The following ARL15 variants were observed in gnomAD, a reference collection of about 807,000 sequenced individuals.
The protein encoded by ARL15 is ADP-ribosylation factor-like protein 15.
ARL15 carries 19 observed loss-of-function variants against 25.2 expected under a neutral mutation model. The ratio of observed to expected loss-of-function variants is 0.75; its 90% CI spans 0.53 to 1.10. ARL15 has a LOEUF of 1.10. Ranked by LOEUF, ARL15 falls within the 50% of genes least tolerant of loss-of-function variation. The pLI, the probability that ARL15 is intolerant of heterozygous loss-of-function variation, is 0.00. For missense variants in ARL15, 220 were observed against 246.0 expected, an observed-to-expected ratio of 0.89 and a Z score of 0.71; for synonymous variants, 94 against 86.8, an observed-to-expected ratio of 1.08 and a Z score of -0.46.
At chr5:53,933,101 C>T (rs777175243) in intron 4 of ARL15, among the ~76,000 whole-genome samples, 10 of 152,140 alleles carry the variant, frequency 6.6e-5, no homozygotes, top group Middle Eastern at 3.2e-3. Flanking sequence ...CTGCTGTTCT[C>T]TTTTGACATT....
At chr5:54,190,809 A>G (rs1016144055) in intron 1 of ARL15, among the ~76,000 whole-genome samples, 2 of 152,170 alleles carry the variant, frequency 1.3e-5, no homozygotes, top group Non-Finnish European at 2.9e-5. Flanking sequence ...GAAAATAACA[A>G]GTGTTGGCAA....
At chr5:54,047,370 T>C (rs1212147749) in intron 4 of ARL15, among the ~76,000 whole-genome samples, 1 of 152,192 alleles carries the variant, frequency 6.6e-6, no homozygotes, top group Admixed American at 6.5e-5. Context: ...TGCTACTCTC[T>C]CTGTGTTGGT....
intron 2 of ARL15, among the ~76,000 whole-genome samples, chr5:54,167,011 T>A (rs943181071): frequency 6.6e-6 from 1 of 152,182 alleles, no homozygotes; most frequent in Non-Finnish European, 1.5e-5. Flanking sequence ...TTATCTGTCA[T>A]GTGAGTCCAG....
chr5:54,106,459 G>A (rs913869824), intron 4 of ARL15, among the ~76,000 whole-genome samples: 2 of 151,976 alleles, frequency 1.3e-5, no homozygotes, highest in Non-Finnish European at 2.9e-5. Flanking sequence ...TTGAGGATGG[G>A]TTCCAGAATC....
intron 4 of ARL15, among the ~76,000 whole-genome samples, chr5:54,022,293 T>C (rs1749629823): frequency 6.6e-6 from 1 of 152,138 alleles, no homozygotes; most frequent in Admixed American, 6.5e-5. Flanking sequence ...TGCTGAGTGC[T>C]TTGAATCAAG....
intron 3 of ARL15, among the ~76,000 whole-genome samples, chr5:54,116,015 C>A (rs1244977181): frequency 6.6e-6 from 1 of 152,104 alleles, no homozygotes; most frequent in South Asian, 2.1e-4. Context: ...AGAAGCTAGG[C>A]AAAGATATTG....
intron 1 of ARL15, among the ~76,000 whole-genome samples, chr5:54,213,999 C>A (rs1282012452): frequency 1.3e-5 from 2 of 152,040 alleles, no homozygotes; most frequent in African/African-American, 2.4e-5. Flanking sequence ...AGAGAGAAGT[C>A]TTTTAAAACA....
chr5:54,003,658 TTCTTTCTA>T (rs200728656), intron 4 of ARL15, among the ~76,000 whole-genome samples: 84 of 134,102 alleles, frequency 6.3e-4, no homozygotes, highest in East Asian at 5.8e-3. Context: ...AGAAAATATT[TTCTTTCTA>T]TCTATCTATC....
Position 54,119,062 on chromosome 5 carries a change from T to C in ARL15, c.254-5652A>G, listed in dbSNP as rs75322338. On this transcript the variant is annotated intron_variant, in intron 3 of 4. Coordinates refer to ENST00000504924, the MANE Select transcript of ARL15 (RefSeq NM_019087.3). ...TGCATTCTGACATTGGCCCCTCCTT[T>C]ATGTTCTCACTATGGTTCATGCCTT... 1.6e-4 allele frequency among the ~76,000 whole-genome samples: 25 copies of C among 152,246 alleles called. No individual in the cohort carries two copies. In the East Asian group the frequency reaches 4.8e-3, roughly 29 times the overall value.
chr5:53,903,516 C>T (rs1373790336), intron 4 of ARL15, among the ~76,000 whole-genome samples: 1 of 152,046 alleles, frequency 6.6e-6, no homozygotes, highest in African/African-American at 2.4e-5. Context: ...ATTATGTAGC[C>T]CAAAAGGTCA....
chr5:54,258,156 A>G (rs1427211554), intron 1 of ARL15, among the ~76,000 whole-genome samples: 4 of 142,778 alleles, frequency 2.8e-5, no homozygotes, highest in Non-Finnish European at 4.5e-5. Flanking sequence ...CATAGTTAAG[A>G]CTTTGTTTCT....
rs685473 is a variant in ARL15, at chr5:53,883,990, G to T, written c.*2571C>A. On this transcript the variant is annotated 3_prime_UTR_variant, in exon 5 of 5. Coordinates refer to ENST00000504924, the MANE Select transcript of ARL15 (RefSeq NM_019087.3). ...TCATTTGAAGATAGTGGAAATCGTA[G>T]AAATCATGGACAATACAAGTTGGTC... 1 of 152,142 alleles carries T rather than the reference G, an allele frequency of 6.6e-6. No individual in the cohort carries two copies. The highest frequency in any genetic ancestry group is 2.1e-4 in the South Asian group (1 of 4,828). The allele number at this position is 152,142 out of a possible 1,614,324, so 9.4% of individuals were successfully genotyped here.
At chr5:54,069,201 T>A (rs1206769777) in intron 4 of ARL15, among the ~76,000 whole-genome samples, 1 of 152,156 alleles carries the variant, frequency 6.6e-6, no homozygotes, top group African/African-American at 2.4e-5. Flanking sequence ...ATAATGATGA[T>A]AATAGTAATA....
chr5:54,202,894 T>C (rs1394304650), intron 1 of ARL15, among the ~76,000 whole-genome samples: 1 of 152,174 alleles, frequency 6.6e-6, no homozygotes, highest in Non-Finnish European at 1.5e-5. Flanking sequence ...CTTCATAGAT[T>C]TCTGATGTGC....
chr5:54,006,387 C>T (rs1325077979), intron 4 of ARL15, among the ~76,000 whole-genome samples: 1 of 151,638 alleles, frequency 6.6e-6, no homozygotes, highest in Non-Finnish European at 1.5e-5. Flanking sequence ...ACCGAGTACA[C>T]ATGGATATAT....
intron 2 of ARL15, among the ~76,000 whole-genome samples, 192 bp from the exon 3 acceptor site, chr5:54,154,831 T>C (rs937761431): frequency 6.6e-6 from 1 of 152,086 alleles, no homozygotes; most frequent in Non-Finnish European, 1.5e-5. Context: ...TATCAAAACA[T>C]AGTTGTTGTG....
chr5:54,287,347 T>G (rs567305477), intron 1 of ARL15, among the ~76,000 whole-genome samples: 178 of 152,162 alleles, frequency 1.2e-3, no homozygotes, highest in African/African-American at 4.0e-3. Context: ...ATCAGGGGTA[T>G]GCACAATGGG....
intron 4 of ARL15, among the ~76,000 whole-genome samples, chr5:53,907,488 ATTT>A (rs869174212): frequency 1.7e-3 from 30 of 17,974 alleles, no homozygotes; most frequent in East Asian, 7.9e-3. Context: ...ATATATATAT[ATTT>A]TTTTTTTTTT....
At chr5:54,256,884 C>T (rs973066762) in intron 1 of ARL15, among the ~76,000 whole-genome samples, 2 of 152,192 alleles carry the variant, frequency 1.3e-5, no homozygotes, top group Non-Finnish European at 2.9e-5. Context: ...TAAAATCCAG[C>T]ATTGCTTTGT....
Sources: gnomAD v4.1 joint callset for allele counts (sites outside exome capture counted in the v4.1 genomes callset) on GRCh38, gnomAD v4.1.1 for gene constraint, MANE v1.5 for transcripts, NCBI Gene and HGNC (gene_info 2026-07-23, HGNC 2026-07-21) for gene names.